Variants in SULF1 observed in about 807,000 individuals in gnomAD.
The protein encoded by SULF1 is extracellular sulfatase Sulf-1.
Under a neutral mutation model 110.5 loss-of-function variants are expected in SULF1, and 46 were observed. The observed-to-expected ratio is 0.42, with a 90% CI of 0.33 to 0.53. The LOEUF (loss-of-function observed/expected upper bound fraction) is 0.53, where lower values mean the gene tolerates loss of function less well. SULF1 is among the 20% of genes least tolerant of loss of function. SULF1 has a pLI of 0.12. For missense variants in SULF1, 941 were observed against 1,094.2 expected, an observed-to-expected ratio of 0.86 and a Z score of 1.98; for synonymous variants, 371 against 387.1, an observed-to-expected ratio of 0.96 and a Z score of 0.49.
intron 3 of SULF1, among the ~76,000 whole-genome samples, chr8:69,514,226 C>A (rs368295371): frequency 6.6e-6 from 1 of 152,132 alleles, no homozygotes; most frequent in Non-Finnish European, 1.5e-5. Flanking sequence ...TTTAATTGAC[C>A]GACAGTTCTG....
chr8:69,632,110 A>G (rs1038284078), intron 19 of SULF1, among the ~76,000 whole-genome samples: 7 of 152,312 alleles, frequency 4.6e-5, no homozygotes, highest in Non-Finnish European at 1.0e-4. Context: ...TGTCAATTTA[A>G]CAAAGCTTTG....
intron 7 of SULF1, among the ~76,000 whole-genome samples, chr8:69,588,135 T>G (rs993734184): frequency 2.0e-5 from 3 of 152,220 alleles, no homozygotes; most frequent in Admixed American, 2.0e-4. Flanking sequence ...GACACACACT[T>G]AAAAGAAGCA....
At chr8:69,533,941 G>GA (rs1332571174) in intron 3 of SULF1, among the ~76,000 whole-genome samples, 2 of 151,946 alleles carry the variant, frequency 1.3e-5, no homozygotes, top group Non-Finnish European at 2.9e-5. Context: ...TAATAGTCTA[G>GA]AAAAAAAATT....
chr8:69,603,036 C>T lies in SULF1; in HGVS notation c.1062-156C>T, dbSNP rs1807953481. ...GCTCAGTGCCATTGCTGTGATCACA[C>T]ACCCACCCTTGCCACACAACTACCC... On this transcript the variant is annotated intron_variant, in intron 10 of 22. Coordinates refer to ENST00000402687, the MANE Select transcript of SULF1 (RefSeq NM_001128205.2). Among the ~76,000 whole-genome samples the T allele has an allele frequency of 3.3e-5, 5 of 152,274 alleles. No homozygotes were observed. The South Asian group carries it at 1.0e-3, about 32-fold the overall frequency.
chr8:69,643,523 A>AT (rs1206190157), intron 22 of SULF1, among the ~76,000 whole-genome samples: 2 of 152,214 alleles, frequency 1.3e-5, no homozygotes, highest in Admixed American at 6.5e-5. Flanking sequence ...TCAGCAGAGC[A>AT]TTTTTTTAAA....
At chr8:69,506,238 A>T (rs1332647389) in intron 3 of SULF1, among the ~76,000 whole-genome samples, 1 of 148,348 alleles carries the variant, frequency 6.7e-6, no homozygotes, top group Non-Finnish European at 1.5e-5. Context: ...CTAAACATAC[A>T]CACACACACA....
At chr8:69,538,248 G>A (rs1218162894) in intron 3 of SULF1, among the ~76,000 whole-genome samples, 3 of 137,014 alleles carry the variant, frequency 2.2e-5, no homozygotes, top group African/African-American at 8.1e-5. Flanking sequence ...TGTTTTGTTT[G>A]CTTATTGGTT....
At chr8:69,581,840 C>A (rs1037397889) in intron 6 of SULF1, among the ~76,000 whole-genome samples, 3 of 152,052 alleles carry the variant, frequency 2.0e-5, no homozygotes, top group Non-Finnish European at 2.9e-5. Context: ...ACAAAAAGGC[C>A]AGAGCAACTG....
At chr8:69,507,533 T>A (rs1242010273) in intron 3 of SULF1, among the ~76,000 whole-genome samples, 2 of 152,228 alleles carry the variant, frequency 1.3e-5, no homozygotes, top group Non-Finnish European at 2.9e-5. Context: ...TAAGAAGCCA[T>A]TCCTGGAATA....
intron 6 of SULF1, among the ~76,000 whole-genome samples, chr8:69,581,793 C>T (rs1441628632): frequency 1.3e-5 from 2 of 151,938 alleles, no homozygotes; most frequent in Non-Finnish European, 2.9e-5. Flanking sequence ...TGAAAGAGGC[C>T]GGGGTGATTA....
intron 8 of SULF1, among the ~76,000 whole-genome samples, chr8:69,598,920 G>A (rs1807563174): frequency 1.3e-5 from 2 of 152,196 alleles, no homozygotes; most frequent in Non-Finnish European, 1.5e-5. Context: ...CTGGTCACCA[G>A]GGTAACTTTG....
chr8:69,496,672 A>T (rs1810381357), intron 2 of SULF1, among the ~76,000 whole-genome samples: 1 of 152,214 alleles, frequency 6.6e-6, no homozygotes, highest in African/African-American at 2.4e-5. Context: ...GGTGCTGGTC[A>T]TTCCACATTT....
chr8:69,645,632 A>T (rs1285546936), intron 22 of SULF1, among the ~76,000 whole-genome samples: 1 of 152,226 alleles, frequency 6.6e-6, no homozygotes, highest in African/African-American at 2.4e-5. Context: ...AGGAGTTGGC[A>T]TTTATGCCGC....
At chr8:69,598,146 A>G (rs1807493557) in intron 8 of SULF1, among the ~76,000 whole-genome samples, 1 of 151,384 alleles carries the variant, frequency 6.6e-6, no homozygotes, top group Admixed American at 6.6e-5. Context: ...TTGGTTAACG[A>G]ACCATTTTCT....
At chr8:69,478,490 T>C (rs1445375641) in intron 1 of SULF1, among the ~76,000 whole-genome samples, 2 of 152,166 alleles carry the variant, frequency 1.3e-5, no homozygotes, top group African/African-American at 2.4e-5. Context: ...GTCCTGAATT[T>C]ACATCTTTAC....
chr8:69,616,716 T>C (rs1296455647), intron 13 of SULF1, among the ~76,000 whole-genome samples: 1 of 150,358 alleles, frequency 6.7e-6, no homozygotes, highest in Non-Finnish European at 1.5e-5. Flanking sequence ...TTTTTTTTTT[T>C]TTTTTTCTGT....
chr8:69,525,507 G>T (rs1812597499), intron 3 of SULF1, among the ~76,000 whole-genome samples: 1 of 152,140 alleles, frequency 6.6e-6, no homozygotes, highest in African/African-American at 2.4e-5. Context: ...TTGCAAGGAA[G>T]TTGAGTGGGG....
intron 8 of SULF1, among the ~76,000 whole-genome samples, chr8:69,595,155 T>A (rs1807207781): frequency 6.6e-6 from 1 of 152,208 alleles, no homozygotes; most frequent in South Asian, 2.1e-4. Flanking sequence ...GTTTTTTAGA[T>A]TAAAAAACAA....
intron 2 of SULF1, among the ~76,000 whole-genome samples, chr8:69,500,395 A>G (rs1488817090): frequency 6.6e-6 from 1 of 152,318 alleles, no homozygotes; most frequent in East Asian, 1.9e-4. Flanking sequence ...ATAGCCAGTG[A>G]ATGCCATAGC....
Sources: allele counts gnomAD v4.1 joint callset (sites outside exome capture counted in the v4.1 genomes callset), GRCh38; gene constraint gnomAD v4.1.1; transcripts MANE v1.5; gene names NCBI Gene and HGNC (gene_info 2026-07-23, HGNC 2026-07-21).